Variants in OTUD7A observed in about 807,000 individuals in gnomAD.
OTUD7A encodes the protein OTU deubiquitinase 7A.
A neutral mutation model predicts 65.7 loss-of-function variants in OTUD7A; 12 were observed. That is an observed-to-expected ratio of 0.18 (90% confidence interval 0.12 to 0.30). The LOEUF (loss-of-function observed/expected upper bound fraction) is 0.30. Ranked by LOEUF, OTUD7A falls within the 10% of genes least tolerant of loss-of-function variation. The pLI is 1.00. For missense variants in OTUD7A, 1,148 were observed against 1,304.8 expected (o/e 0.88, Z 1.85); for synonymous variants, 641 against 586.3 (o/e 1.09, Z -1.35).
At chr15:31,730,302 C>A (rs1028387480) in intron 1 of OTUD7A, among the ~76,000 whole-genome samples, 1 of 152,132 alleles carries the variant, frequency 6.6e-6, no homozygotes, top group Admixed American at 6.5e-5. Context: ...GCCCACGGTG[C>A]CTGAGAGACA....
chr15:31,755,296 C>T (rs1194107566), intron 1 of OTUD7A, among the ~76,000 whole-genome samples: 1 of 152,062 alleles, frequency 6.6e-6, no homozygotes, highest in African/African-American at 2.4e-5. Context: ...CACAAGAGAA[C>T]TTCTTCATAT....
rs1445426658 is a variant in OTUD7A, at chr15:31,477,887, G to A, written c.*5407C>T. The stretch of plus-strand genomic sequence containing the variant: ...ACAAGAAGAAGATGCAGAGAGGTGG[G>A]TAGGGAGGGAGGGTGGGGTGTGTTG... On this transcript the variant is annotated 3_prime_UTR_variant, in exon 13 of 13. Transcript: ENST00000307050. 7.2e-6 allele frequency: 1 copy of A among 139,648 alleles called. No individual in the cohort carries two copies. Among genetic ancestry groups the A allele is most frequent in the Non-Finnish European group, 1.6e-5 (1 of 63,880 alleles). The allele number at this position is 139,648 out of a possible 1,614,324, so 8.7% of individuals were successfully genotyped here.
At chr15:31,639,781 T>A (rs1372455918) in intron 3 of OTUD7A, among the ~76,000 whole-genome samples, 2 of 152,224 alleles carry the variant, frequency 1.3e-5, no homozygotes, top group Non-Finnish European at 2.9e-5. Context: ...GTTGAGCATC[T>A]TTTCACCTGC....
chr15:31,777,325 T>C (rs538500919), intron 1 of OTUD7A, among the ~76,000 whole-genome samples: 5 of 152,268 alleles, frequency 3.3e-5, no homozygotes, highest in African/African-American at 1.2e-4. Flanking sequence ...GGGGGTTAGG[T>C]TGAGAGGGAC....
At chr15:31,635,570 G>C (rs999540341) in intron 3 of OTUD7A, among the ~76,000 whole-genome samples, 11 of 152,208 alleles carry the variant, frequency 7.2e-5, no homozygotes, top group African/African-American at 2.7e-4. Flanking sequence ...CAGGGAGGGT[G>C]TATGAAGGCG....
intron 5 of OTUD7A, chr15:31,556,471 G>A (rs1888498660): frequency 6.6e-6 from 1 of 152,202 alleles, no homozygotes; most frequent in African/African-American, 2.4e-5. Flanking sequence ...TTTCAAGACT[G>A]GATGAAGCCA....
At chr15:31,741,130 AAAG>A (rs1373403904) in intron 1 of OTUD7A, among the ~76,000 whole-genome samples, 2 of 152,188 alleles carry the variant, frequency 1.3e-5, no homozygotes, top group African/African-American at 4.8e-5. Context: ...AAAAATTTAA[AAAG>A]AAGAGATCAT....
intron 4 of OTUD7A, among the ~76,000 whole-genome samples, chr15:31,561,963 C>T (rs1181657172): frequency 6.6e-6 from 1 of 152,204 alleles, no homozygotes; most frequent in East Asian, 1.9e-4. Flanking sequence ...CAGAATTTCC[C>T]TGCCACTGAC....
intron 8 of OTUD7A, 56 bp from the exon 9 acceptor site, chr15:31,503,874 G>C: frequency 6.2e-7 from 1 of 1,602,428 alleles, no homozygotes; most frequent in Non-Finnish European, 8.5e-7. Context: ...GGAGGATGGA[G>C]AAAGTGGGGA....
chr15:31,760,358 A>C (rs1442079154), intron 1 of OTUD7A, among the ~76,000 whole-genome samples: 5 of 152,178 alleles, frequency 3.3e-5, no homozygotes, highest in Admixed American at 6.5e-5. Flanking sequence ...AATCAACTTC[A>C]TATCTCCCTC....
At chr15:31,669,426 T>C (rs1037881049) in intron 1 of OTUD7A, among the ~76,000 whole-genome samples, 1 of 152,014 alleles carries the variant, frequency 6.6e-6, no homozygotes, top group African/African-American at 2.4e-5. Context: ...GTCAGGGAAG[T>C]GAGGGAAAGC....
At chr15:31,644,524 T>C (rs1260844969) in intron 3 of OTUD7A, among the ~76,000 whole-genome samples, 1 of 152,202 alleles carries the variant, frequency 6.6e-6, no homozygotes, top group East Asian at 1.9e-4. Flanking sequence ...TTGCCTAGGC[T>C]GGAGTCAGCA....
At chr15:31,635,857 T>C (rs1891324074) in intron 3 of OTUD7A, among the ~76,000 whole-genome samples, 1 of 152,234 alleles carries the variant, frequency 6.6e-6, no homozygotes, top group East Asian at 1.9e-4. Flanking sequence ...CCCTGCACTG[T>C]CACCTGCATG....
At chr15:31,569,407 A>G (rs1888976875) in intron 4 of OTUD7A, among the ~76,000 whole-genome samples, 1 of 152,248 alleles carries the variant, frequency 6.6e-6, no homozygotes, top group Non-Finnish European at 1.5e-5. Flanking sequence ...GCTCAGTGAA[A>G]CAAGCACTTT....
chr15:31,531,668 G>A (rs1042949772), intron 5 of OTUD7A, among the ~76,000 whole-genome samples: 4 of 151,714 alleles, frequency 2.6e-5, no homozygotes, highest in East Asian at 3.9e-4. Context: ...ATTATAACCC[G>A]ACCACCACCC....
intron 3 of OTUD7A, among the ~76,000 whole-genome samples, chr15:31,619,974 C>G (rs374988015): frequency 3.0e-4 from 46 of 152,150 alleles, no homozygotes; most frequent in East Asian, 2.5e-3. Context: ...TTTTTAGCAT[C>G]AAGGGTTGTT....
At chr15:31,608,206 C>A (rs1890291992) in intron 3 of OTUD7A, among the ~76,000 whole-genome samples, 3 of 151,962 alleles carry the variant, frequency 2.0e-5, no homozygotes, top group Non-Finnish European at 2.9e-5. Flanking sequence ...GAGATTGTGG[C>A]ACTGCACTCC....
At chr15:31,828,508 T>G (rs1335578143) in intron 1 of OTUD7A, among the ~76,000 whole-genome samples, 1 of 152,210 alleles carries the variant, frequency 6.6e-6, no homozygotes, top group African/African-American at 2.4e-5. Context: ...GTAGGATAAC[T>G]ATAGTCAATG....
intron 1 of OTUD7A, among the ~76,000 whole-genome samples, chr15:31,819,015 T>C (rs1221798233): frequency 6.6e-6 from 1 of 152,040 alleles, no homozygotes; most frequent in Admixed American, 6.6e-5. Context: ...AAGAAAGAGA[T>C]GAGCTCAGAA....
Sources: allele counts gnomAD v4.1 joint callset (sites outside exome capture counted in the v4.1 genomes callset), GRCh38; gene constraint gnomAD v4.1.1; transcripts MANE v1.5; gene names NCBI Gene and HGNC (gene_info 2026-07-23, HGNC 2026-07-21).